TMEM165: variants seen among roughly 807,000 people sequenced by gnomAD.
The protein encoded by TMEM165 is transmembrane protein 165.
Under a neutral mutation model 30.0 loss-of-function variants are expected in TMEM165, and 19 were observed. The ratio of observed to expected loss-of-function variants is 0.63; its 90% confidence interval spans 0.44 to 0.93. The LOEUF is 0.93. Among genes scored for constraint, TMEM165 ranks in the 40% least tolerant of loss-of-function variants. The pLI is 0.00. For missense variants in TMEM165, 340 were observed against 417.0 expected, an observed-to-expected ratio of 0.82 and a Z score of 1.61; for synonymous variants, 168 against 162.9, an observed-to-expected ratio of 1.03 and a Z score of -0.24.
intron 4 of TMEM165, among the ~76,000 whole-genome samples, chr4:55,420,209 C>G (rs1276315734): frequency 6.8e-6 from 1 of 146,570 alleles, no homozygotes; most frequent in Admixed American, 6.9e-5. Context: ...TTTATTGGCT[C>G]TCAGATTGCC....
intron 3 of TMEM165, chr4:55,432,909 C>G (rs1722614571): frequency 6.6e-6 from 1 of 152,574 alleles, no homozygotes; most frequent in Non-Finnish European, 1.5e-5. Flanking sequence ...TGTGAGTAAA[C>G]AGTTTAGACG....
At chr4:55,405,775 G>T (rs10016977) in intron 1 of TMEM165, among the ~76,000 whole-genome samples, 2,288 of 152,126 alleles carry the variant, frequency 0.015, 63 homozygotes, top group African/African-American at 0.053. Flanking sequence ...TCCCCACTCT[G>T]CCCTGATAAT....
At chr4:55,434,838 T>C (rs1722754952) in intron 3 of TMEM165, 1 of 157,504 alleles carries the variant, frequency 6.3e-6, no homozygotes, top group Non-Finnish European at 1.4e-5. Flanking sequence ...CTTTCTCTCC[T>C]TTTATCTAGA....
intron 1 of TMEM165, among the ~76,000 whole-genome samples, chr4:55,399,549 TTTG>T (rs542542794): frequency 1.4e-4 from 21 of 152,294 alleles, no homozygotes; most frequent in African/African-American, 4.8e-4. Flanking sequence ...TTGCAGGTAT[TTTG>T]TTGAAGTTTT....
At chr4:55,421,164 C>T (rs1421218792) in intron 4 of TMEM165, among the ~76,000 whole-genome samples, 1 of 57,936 alleles carries the variant, frequency 1.7e-5, no homozygotes, top group African/African-American at 7.5e-5. Context: ...TAGATTCCAT[C>T]TCAAAAAAAA....
At chr4:55,425,120 A>G (rs1722140140) in intron 5 of TMEM165, among the ~76,000 whole-genome samples, 1 of 152,244 alleles carries the variant, frequency 6.6e-6, no homozygotes, top group African/African-American at 2.4e-5. Context: ...GCTTGCCAGC[A>G]CTGTCTGGAT....
intron 5 of TMEM165, chr4:55,424,884 A>G (rs1279542368): frequency 2.1e-6 from 1 of 471,318 alleles, no homozygotes; most frequent in East Asian, 4.0e-5. Context: ...TTAACATATT[A>G]TCTTAGTAAA....
chr4:55,448,617 T>C (rs1054067534), intron 3 of TMEM165, among the ~76,000 whole-genome samples: 1,805 of 136,120 alleles, frequency 0.013, 46 homozygotes, highest in African/African-American at 0.048. Context: ...TGTGTGTGTG[T>C]GTGTGTGTGT....
chr4:55,444,772 G>A (rs1278388353), intron 3 of TMEM165: 6 of 1,613,936 alleles, frequency 3.7e-6, no homozygotes, highest in Non-Finnish European at 5.1e-6. Flanking sequence ...TCCTAATTGA[G>A]CTGAAAACTG....
chr4:55,397,440 G>A (rs1164336720), intron 1 of TMEM165: 2 of 151,904 alleles, frequency 1.3e-5, no homozygotes, highest in Non-Finnish European at 2.9e-5. Flanking sequence ...GAGCCCTTTG[G>A]GACAGGCTTT....
chr4:55,417,036 A>G, intron 2 of TMEM165, 36 bp from the exon 3 acceptor site: 2 of 1,529,426 alleles, frequency 1.3e-6, no homozygotes, highest in Non-Finnish European at 1.8e-6. Flanking sequence ...CGTGATACAC[A>G]CTCGATTAAC....
At chr4:55,401,562 T>A (rs1358694813) in intron 1 of TMEM165, among the ~76,000 whole-genome samples, 2 of 150,732 alleles carry the variant, frequency 1.3e-5, no homozygotes, top group Non-Finnish European at 2.9e-5. Flanking sequence ...ATATTTTTAC[T>A]TTATGTTTTG....
intron 3 of TMEM165, among the ~76,000 whole-genome samples, chr4:55,446,623 A>G (rs937750949): frequency 6.6e-6 from 1 of 152,208 alleles, no homozygotes; most frequent in Non-Finnish European, 1.5e-5. Flanking sequence ...AATGAAAATA[A>G]AATTATATTT....
intron 1 of TMEM165, among the ~76,000 whole-genome samples, chr4:55,406,084 C>T (rs956507830): frequency 3.9e-5 from 6 of 152,194 alleles, no homozygotes; most frequent in African/African-American, 1.4e-4. Flanking sequence ...TCCCAGGAGG[C>T]TTATGAAATG....
chr4:55,446,762 A>C (rs1229614638), intron 3 of TMEM165, among the ~76,000 whole-genome samples: 1 of 152,196 alleles, frequency 6.6e-6, no homozygotes, highest in Admixed American at 6.5e-5. Context: ...ATGAATTTTC[A>C]GTATATGATA....
chr4:55,403,893 C>G (rs1721156306), intron 1 of TMEM165, among the ~76,000 whole-genome samples: 1 of 152,054 alleles, frequency 6.6e-6, no homozygotes, highest in Admixed American at 6.6e-5. Context: ...TGCCTTTATT[C>G]TCTCCCTTCC....
chr4:55,446,850 T>C (rs1723892644), intron 3 of TMEM165, among the ~76,000 whole-genome samples: 1 of 152,206 alleles, frequency 6.6e-6, no homozygotes, highest in Admixed American at 6.5e-5. Context: ...GAACTGTATG[T>C]AAAAGTGAGA....
At chr4:55,422,491 C>G (rs1336969552) in intron 4 of TMEM165, among the ~76,000 whole-genome samples, 2 of 152,146 alleles carry the variant, frequency 1.3e-5, no homozygotes, top group African/African-American at 4.8e-5. Context: ...CTCCCAACCT[C>G]AGGTGATCTG....
chr4:55,403,974 C>T (rs1721160742), intron 1 of TMEM165, among the ~76,000 whole-genome samples: 1 of 122,820 alleles, frequency 8.1e-6, no homozygotes, highest in African/African-American at 2.6e-5. Flanking sequence ...AGAAAAAGGT[C>T]ATTCATTTAA....
Sources: allele counts gnomAD v4.1 joint callset (sites outside exome capture counted in the v4.1 genomes callset), GRCh38; gene constraint gnomAD v4.1.1; transcripts MANE v1.5; gene names NCBI Gene and HGNC (gene_info 2026-07-23, HGNC 2026-07-21).